Variants in RNGTT observed in about 807,000 individuals in gnomAD.
RNGTT encodes the protein RNA guanylyltransferase and 5'-phosphatase, also known as mRNA-capping enzyme.
A neutral mutation model predicts 79.3 loss-of-function variants in RNGTT; 33 were observed. That is an observed-to-expected ratio of 0.42 (90% CI 0.32 to 0.56). The LOEUF is 0.56. Among genes scored for constraint, RNGTT ranks in the 20% least tolerant of loss-of-function variants. The pLI, the probability that RNGTT is intolerant of heterozygous loss-of-function variation, is 0.17. For missense variants in RNGTT, 497 were observed against 739.1 expected (o/e 0.67, Z 3.80); for synonymous variants, 222 against 235.9 (o/e 0.94, Z 0.54).
intron 2 of RNGTT, among the ~76,000 whole-genome samples, chr6:88,938,787 T>C (rs1031286208): frequency 6.6e-6 from 1 of 152,228 alleles, no homozygotes; most frequent in Non-Finnish European, 1.5e-5. Flanking sequence ...TCTAACGCAT[T>C]TCTTACAGGA....
At chr6:88,694,984 C>A (rs888541194) in intron 13 of RNGTT, among the ~76,000 whole-genome samples, 1 of 152,004 alleles carries the variant, frequency 6.6e-6, no homozygotes, top group African/African-American at 2.4e-5. Flanking sequence ...TTATAAATTG[C>A]CCAGTCTGTG....
intron 13 of RNGTT, among the ~76,000 whole-genome samples, chr6:88,701,167 T>G (rs191434360): frequency 1.3e-5 from 2 of 151,634 alleles, no homozygotes; most frequent in African/African-American, 2.4e-5. Context: ...GGTAGATGGA[T>G]AGAGGGGAAG....
chr6:88,911,249 T>C (rs76084178), intron 4 of RNGTT, among the ~76,000 whole-genome samples: 3,335 of 152,234 alleles, frequency 0.022, 123 homozygotes, highest in African/African-American at 0.076. Context: ...TTCAGGAAAC[T>C]AACTCATACC....
At chr6:88,651,133 C>A (rs1235602638) in intron 14 of RNGTT, among the ~76,000 whole-genome samples, 1 of 151,780 alleles carries the variant, frequency 6.6e-6, no homozygotes, top group African/African-American at 2.4e-5. Context: ...ACAACAACAA[C>A]ACAACGATTC....
At chr6:88,661,726 C>A (rs1774193635) in intron 14 of RNGTT, among the ~76,000 whole-genome samples, 1 of 152,124 alleles carries the variant, frequency 6.6e-6, no homozygotes, top group Admixed American at 6.5e-5. Context: ...GGATTCACAG[C>A]TAAATTCTAT....
chr6:88,908,549 A>G (rs1164107044), intron 4 of RNGTT, among the ~76,000 whole-genome samples: 2 of 152,170 alleles, frequency 1.3e-5, no homozygotes, highest in African/African-American at 4.8e-5. Flanking sequence ...AGGCACCAGG[A>G]CTGGCCCCCA....
intron 13 of RNGTT, among the ~76,000 whole-genome samples, chr6:88,680,785 A>G (rs149635598): frequency 6.6e-6 from 1 of 152,080 alleles, no homozygotes; most frequent in African/African-American, 2.4e-5. Context: ...AGGGTCACTA[A>G]GAGAATATTA....
At chr6:88,961,647 T>G (rs1018282318) in intron 1 of RNGTT, among the ~76,000 whole-genome samples, 2 of 152,234 alleles carry the variant, frequency 1.3e-5, no homozygotes, top group African/African-American at 4.8e-5. Flanking sequence ...GTGTCCAAAT[T>G]TTTTGCTAGT....
intron 12 of RNGTT, 89 bp downstream of exon 12, chr6:88,801,475 T>C (rs963618594): frequency 8.2e-6 from 8 of 972,120 alleles, no homozygotes; most frequent in Non-Finnish European, 1.6e-6. Flanking sequence ...GTTTGAGGCA[T>C]ACATGTGTAT....
chr6:88,670,389 T>G (rs1001854431), intron 14 of RNGTT, among the ~76,000 whole-genome samples: 1 of 152,144 alleles, frequency 6.6e-6, no homozygotes, highest in Non-Finnish European at 1.5e-5. Flanking sequence ...ACCAAAATAG[T>G]TCAGCACAAG....
intron 11 of RNGTT, among the ~76,000 whole-genome samples, chr6:88,806,004 T>C (rs1309446242): frequency 5.9e-5 from 9 of 152,132 alleles, no homozygotes; most frequent in African/African-American, 2.2e-4. Flanking sequence ...ATTCAACCAC[T>C]ACCCCTCCCC....
At chr6:88,910,103 T>C (rs1354277847) in intron 4 of RNGTT, among the ~76,000 whole-genome samples, 1 of 152,132 alleles carries the variant, frequency 6.6e-6, no homozygotes, top group Non-Finnish European at 1.5e-5. Context: ...TTCCAAAGGA[T>C]TGCATATACT....
intron 11 of RNGTT, among the ~76,000 whole-genome samples, chr6:88,809,735 G>A (rs529459637): frequency 1.3e-4 from 19 of 151,978 alleles, no homozygotes; most frequent in Non-Finnish European, 2.6e-4. Flanking sequence ...AAATTTTGCT[G>A]CATGAAATAC....
chr6:88,747,416 A>T (rs1327130496), intron 13 of RNGTT, among the ~76,000 whole-genome samples: 1 of 152,180 alleles, frequency 6.6e-6, no homozygotes, highest in Non-Finnish European at 1.5e-5. Context: ...TTAATCTAGG[A>T]AGCAGAACCA....
chr6:88,798,240 G>A (rs1024671136), intron 12 of RNGTT, among the ~76,000 whole-genome samples: 28 of 152,048 alleles, frequency 1.8e-4, no homozygotes, highest in Non-Finnish European at 3.7e-4. Context: ...TGAGGCAGGC[G>A]GATTGCTTGA....
intron 8 of RNGTT, among the ~76,000 whole-genome samples, chr6:88,863,126 T>C (rs1420478421): frequency 6.6e-6 from 1 of 152,220 alleles, no homozygotes. Context: ...ACAACATGTA[T>C]TATTTAATTT....
At chr6:88,625,561 T>C (rs1208304261) in intron 14 of RNGTT, among the ~76,000 whole-genome samples, 1 of 151,848 alleles carries the variant, frequency 6.6e-6, no homozygotes, top group Non-Finnish European at 1.5e-5. Context: ...GACTAAGATT[T>C]AGGAGTGGGG....
intron 12 of RNGTT, among the ~76,000 whole-genome samples, chr6:88,790,661 A>G (rs1779378077): frequency 6.6e-6 from 1 of 152,200 alleles, no homozygotes; most frequent in Non-Finnish European, 1.5e-5. Flanking sequence ...TTTTGACATT[A>G]TTTTTAAAAT....
intron 13 of RNGTT, among the ~76,000 whole-genome samples, chr6:88,683,541 G>T (rs1386319858): frequency 2.0e-5 from 3 of 151,916 alleles, no homozygotes; most frequent in African/African-American, 7.3e-5. Context: ...AAATAGAAAA[G>T]AATATTTCCC....
Sources: allele counts gnomAD v4.1 joint callset (sites outside exome capture counted in the v4.1 genomes callset), GRCh38; gene constraint gnomAD v4.1.1; transcripts MANE v1.5; gene names NCBI Gene and HGNC (gene_info 2026-07-23, HGNC 2026-07-21).